HELZ: variants seen among roughly 807,000 people sequenced by gnomAD.
HELZ encodes helicase with zinc finger.
A neutral mutation model predicts 218.2 loss-of-function variants in HELZ; 23 were observed. That is an observed-to-expected ratio of 0.11 (90% CI 0.08 to 0.15). The LOEUF (loss-of-function observed/expected upper bound fraction) is 0.15. Ranked by LOEUF, HELZ falls within the 10% of genes least tolerant of loss-of-function variation. The probability of loss-of-function intolerance (pLI) is 1.00; values close to 1 mark genes in which losing one functional copy is unlikely to be tolerated. For missense variants in HELZ, 1,813 were observed against 2,353.7 expected (o/e 0.77, Z 4.75); for synonymous variants, 814 against 829.4 (o/e 0.98, Z 0.32).
At chr17:67,148,395 C>T (rs1286248605) in intron 20 of HELZ, among the ~76,000 whole-genome samples, 174 bp downstream of exon 20, 1 of 152,148 alleles carries the variant, frequency 6.6e-6, no homozygotes, top group African/African-American at 2.4e-5. Flanking sequence ...AAAATTACAA[C>T]TCTGACTTCT....
intron 31 of HELZ, among the ~76,000 whole-genome samples, chr17:67,097,838 T>C (rs2036796923): frequency 6.6e-6 from 1 of 152,238 alleles, no homozygotes; most frequent in Non-Finnish European, 1.5e-5. Flanking sequence ...CTCTGAAGAT[T>C]CATAATTATT....
rs749484337 is a variant in HELZ at position 67,120,421 on chromosome 17, A to T, written c.3822T>A (p.His1274Gln). 1 of 1,613,920 alleles carries T rather than the reference A, an allele frequency of 6.2e-7. No homozygotes were observed. Among genetic ancestry groups the T allele is most frequent in the African/African-American group, 1.3e-5 (1 of 74,902 alleles). ...ACAACTTACCATTTCGATTTTGCTC[A>T]TGTTGATCCTTCTCCTGATGCTGAT... is the stretch of plus-strand genomic sequence containing the variant. ...PQNQHQEKDQHEQNRNGKSDT... is the reference protein window; with the variant it reads ...PQNQHQEKDQQEQNRNGKSDT... Residue 1274 changes from histidine to glutamine, a missense_variant, in exon 27 of 33, where the codon CAT (histidine) becomes CAA (glutamine). Physicochemically the swap from His to Gln is conservative, Grantham distance 24. Coordinates refer to ENST00000358691, the MANE Select transcript of HELZ (RefSeq NM_014877.4).
chr17:67,241,524 A>AT (rs2041314065), intron 2 of HELZ, among the ~76,000 whole-genome samples: 1 of 152,290 alleles, frequency 6.6e-6, no homozygotes, highest in African/African-American at 2.4e-5. Flanking sequence ...TATGCTGTAG[A>AT]TTTTTTAATT....
intron 20 of HELZ, 109 bp from the exon 21 acceptor site, chr17:67,145,999 G>T: frequency 1.0e-6 from 1 of 956,528 alleles, no homozygotes. Context: ...TTATGTCCAT[G>T]ATTAATTTTA....
chr17:67,105,111 C>T (rs1473117187), intron 31 of HELZ, among the ~76,000 whole-genome samples: 2 of 152,240 alleles, frequency 1.3e-5, no homozygotes, highest in African/African-American at 4.8e-5. Context: ...CCAGCCTGGG[C>T]GACTGAGTGC....
chr17:67,082,922 T>C (rs1313639000), intron 32 of HELZ, among the ~76,000 whole-genome samples: 1 of 150,046 alleles, frequency 6.7e-6, no homozygotes, highest in Non-Finnish European at 1.5e-5. Flanking sequence ...AGTGGTGTGA[T>C]CTCGGCTTAC....
intron 20 of HELZ, among the ~76,000 whole-genome samples, chr17:67,146,758 T>C (rs995042016): frequency 3.3e-5 from 5 of 152,238 alleles, no homozygotes; most frequent in African/African-American, 1.2e-4. Flanking sequence ...ATCCAATTGC[T>C]TTCAGGGAAA....
At chr17:67,211,611 A>G (rs2040452973) in intron 5 of HELZ, among the ~76,000 whole-genome samples, 1 of 152,242 alleles carries the variant, frequency 6.6e-6, no homozygotes, top group Non-Finnish European at 1.5e-5. Context: ...CTATAATCCC[A>G]GCACTTTGGG....
chr17:67,138,221 C>T, intron 21 of HELZ, 107 bp from the exon 22 acceptor site: 2 of 620,772 alleles, frequency 3.2e-6, no homozygotes, highest in Non-Finnish European at 2.3e-6. Flanking sequence ...TAGCAGATGT[C>T]ATTTAAAAAA....
At chr17:67,134,794 C>T (rs886821235) in intron 23 of HELZ, among the ~76,000 whole-genome samples, 1 of 152,052 alleles carries the variant, frequency 6.6e-6, no homozygotes, top group African/African-American at 2.4e-5. Flanking sequence ...ATAGTTTTGT[C>T]TACTTTAATT....
intron 31 of HELZ, among the ~76,000 whole-genome samples, chr17:67,105,084 G>T (rs1351623692): frequency 6.6e-6 from 1 of 152,224 alleles, no homozygotes; most frequent in Admixed American, 6.5e-5. Flanking sequence ...AGTGAGCCAA[G>T]ATCATGCCAC....
intron 14 of HELZ, among the ~76,000 whole-genome samples, 198 bp from the exon 15 acceptor site, chr17:67,166,806 T>A (rs1256957434): frequency 2.0e-5 from 3 of 152,178 alleles, no homozygotes; most frequent in Admixed American, 2.0e-4. Context: ...AACAAGTACT[T>A]TACTATGGAT....
chr17:67,141,538 C>T lies in HELZ; in HGVS notation c.2770-3424G>A, dbSNP rs1202577422. Among the ~76,000 whole-genome samples the T allele has an allele frequency of 7.3e-5, 11 of 151,634 alleles. 1 individual carries two copies. The highest frequency in any genetic ancestry group is 5.3e-4 in the Admixed American group (8 of 15,226). ...CTGTGTCTTCTTTATTGCCTTCTTT[C>T]GTATTAAGTGCATATTTTCTAGTGT... On this transcript the variant is annotated intron_variant, in intron 21 of 32. Coordinates refer to ENST00000358691, the MANE Select transcript of HELZ (RefSeq NM_014877.4).
intron 13 of HELZ, among the ~76,000 whole-genome samples, chr17:67,174,696 G>A (rs762640893): frequency 2.0e-5 from 3 of 152,138 alleles, no homozygotes; most frequent in Non-Finnish European, 4.4e-5. Context: ...TACTCAGAAG[G>A]CTGAGGCAGG....
chr17:67,181,054 A>AAAAT lies in HELZ; in HGVS notation c.1163-2132_1163-2129dup, dbSNP rs891447151. ...GCGACAGAGCCAGACTCTGTCTCAA[A>AAAAT]AAATAAATAAATAAATAAATACTAA... On this transcript the variant is annotated intron_variant, in intron 12 of 32. Transcript: ENST00000358691. 2.0e-4 allele frequency among the ~76,000 whole-genome samples: 31 copies of AAAAT among 152,118 alleles called. 1 individual carries two copies. Among genetic ancestry groups the AAAAT allele is most frequent in the South Asian group, 1.5e-3 (7 of 4,820 alleles).
Position 67,075,643 on chromosome 17 carries a change from G to A in HELZ, c.*2609C>T, listed in dbSNP as rs1463866259. 3.3e-5 allele frequency: 5 copies of A among 152,180 alleles called. No homozygotes were observed. Among genetic ancestry groups the A allele is most frequent in the African/African-American group, 9.7e-5 (4 of 41,428 alleles). 9.4% of individuals were successfully genotyped at this position (152,180 alleles called of 1,614,324 possible). A position where few individuals can be genotyped will look rare whatever the true frequency, so the allele number is the denominator to read the frequency against. ...TTCAAAATGTTATAAGATACTATGC[G>A]TAAAGAGCAGGTTCTTTAAAGCATG... On this transcript the variant is annotated 3_prime_UTR_variant, in exon 33 of 33. Coordinates refer to ENST00000358691, the MANE Select transcript of HELZ (RefSeq NM_014877.4).
At chr17:67,243,667 T>G (rs567722743) in intron 2 of HELZ, 117 bp downstream of exon 2, 1 of 152,260 alleles carries the variant, frequency 6.6e-6, no homozygotes, top group East Asian at 1.9e-4. Flanking sequence ...ACTGACTGAG[T>G]GATACATTTG....
chr17:67,244,810 C>A, intron 1 of HELZ: 1 of 985,412 alleles, frequency 1.0e-6, no homozygotes, highest in East Asian at 1.1e-4. Context: ...CTCGAGTCCC[C>A]CTCCCAGAGT....
At chr17:67,117,664 C>G (rs887577982) in intron 27 of HELZ, among the ~76,000 whole-genome samples, 8 of 151,844 alleles carry the variant, frequency 5.3e-5, no homozygotes, top group African/African-American at 1.9e-4. Flanking sequence ...ATTCTCCTGC[C>G]TCAGCCTCTC....
Sources: allele counts gnomAD v4.1 joint callset (sites outside exome capture counted in the v4.1 genomes callset), GRCh38; gene constraint gnomAD v4.1.1; transcripts MANE v1.5; gene names NCBI Gene and HGNC (gene_info 2026-07-23, HGNC 2026-07-21).